LAIR1: variants seen among roughly 807,000 people sequenced by gnomAD.
LAIR1 encodes leukocyte associated immunoglobulin like receptor 1.
In LAIR1, 24 loss-of-function variants were observed where a neutral mutation model predicts 32.8. That is an observed-to-expected ratio of 0.73 (90% confidence interval 0.53 to 1.03). The LOEUF is 1.03. Among genes scored for constraint, LAIR1 ranks in the 50% least tolerant of loss-of-function variants. The pLI, the probability that LAIR1 is intolerant of heterozygous loss-of-function variation, is 0.00. For synonymous variants in LAIR1, 150 were observed against 140.5 expected (o/e 1.07, Z -0.48); for missense variants, 355 against 347.5 (o/e 1.02, Z -0.17).
chr19:54,361,199 G>C lies in LAIR1; in HGVS notation c.81C>G (p.Pro27=), dbSNP rs2082006929. Reference sequence around the variant, plus strand: ...CTGGCTCAGCCGAGATGGAGGGTCTGGGCAGATCTTCTAGGAGGGAAGCAG... The same window carrying C: ...CTGGCTCAGCCGAGATGGAGGGTCTCGGCAGATCTTCTAGGAGGGAAGCAG... ...QTIHTQEEDL[P]RPSISAEPGT... Residue 27 remains proline (P), a synonymous_variant, in exon 3 of 10, where the codon CCC becomes CCG. Coordinates refer to ENST00000391742, the MANE Select transcript of LAIR1 (RefSeq NM_002287.6). The C allele has an allele frequency of 6.2e-7, 1 of 1,614,016 alleles. No individual in the cohort carries two copies. Among genetic ancestry groups the C allele is most frequent in the Non-Finnish European group, 8.5e-7 (1 of 1,180,028 alleles).
chr19:54,370,492 CT>C (rs2082377738), exon 1 of LAIR1: 1 of 434,022 alleles, frequency 2.3e-6, no homozygotes, highest in South Asian at 5.2e-5. Flanking sequence ...CCTTGTCCTC[CT>C]TTCCCTTCCA....
At position 54,352,310 on chromosome 19, in the gene LAIR1, C is replaced by T. The variant is rs140019375; in HGVS notation, c.*2958G>A. 0.018 allele frequency: 2,788 copies of T among 153,882 alleles called. 41 individuals carry two copies. Among genetic ancestry groups the T allele is most frequent in the South Asian group, 0.056 (270 of 4,826 alleles). The allele number at this position is 153,882 out of a possible 1,614,324, so 9.5% of individuals were successfully genotyped here. On this transcript the variant is annotated 3_prime_UTR_variant, in exon 10 of 10. Transcript: ENST00000391742. ...ATCATAAGCACAGGGTAGGCCCTCC[C>T]TCTCTGCCTGGCCACACTGCACTGC...
chr19:54,361,158 AG>A lies in LAIR1; in HGVS notation c.121del (p.Leu41TrpfsTer5). The A allele has an allele frequency of 1.9e-6, 3 of 1,614,146 alleles. No individual in the cohort carries two copies. The highest frequency in any genetic ancestry group is 2.5e-6 in the Non-Finnish European group (3 of 1,179,996). On this transcript the variant is annotated frameshift_variant, in exon 3 of 10. Coordinates refer to ENST00000391742, the MANE Select transcript of LAIR1 (RefSeq NM_002287.6). LOFTEE classifies it high-confidence loss of function. ...ISAEPGTVIPLGSHVTFVCRG... is the reference protein window; with the variant it reads ...ISAEPGTVIPXGSHVTFVCRG... ...GCACACGAAAGTCACATGGCTCCCC[AG>A]GGGGATCACGGTGCCTGGCTCAGCC... is the stretch of plus-strand genomic sequence containing the variant.
Position 54,355,751 on chromosome 19 carries a change from G to T in LAIR1, c.717+203C>A, listed in dbSNP as rs961243815. ...AGGTTTCCTGCCCACAGCCGGGGAAGTGAGCGTCTTGGACGTGGATCCTCC... is the reference window on the plus strand; with the variant it reads ...AGGTTTCCTGCCCACAGCCGGGGAATTGAGCGTCTTGGACGTGGATCCTCC... On this transcript the variant is annotated intron_variant, in intron 9 of 9. Coordinates refer to ENST00000391742, the MANE Select transcript of LAIR1 (RefSeq NM_002287.6). The surrounding 1 kb of genome is among the most constrained non-coding windows in gnomAD (Gnocchi z 4.7). Among the ~76,000 whole-genome samples, 3 of 152,176 alleles carry T rather than the reference G, an allele frequency of 2.0e-5. No homozygotes were observed. The highest frequency in any genetic ancestry group is 7.2e-5 in the African/African-American group (3 of 41,440).
upstream of LAIR1, among the ~76,000 whole-genome samples, chr19:54,367,603 G>A (rs1379334028): frequency 2.6e-5 from 4 of 150,958 alleles, no homozygotes; most frequent in South Asian, 4.2e-4. Flanking sequence ...AAAATTAGCC[G>A]GGCGTGGTGG....
In LAIR1 at chr19:54,355,488, G is replaced by C; in HGVS notation, c.718-74C>G. Reference sequence around the variant, plus strand: ...CGAGGGGCTGTGGGGAGGGAGGGCTGTGGCGGCCATCTCCATGGGCCCTGA... The same window carrying C: ...CGAGGGGCTGTGGGGAGGGAGGGCTCTGGCGGCCATCTCCATGGGCCCTGA... On this transcript the variant is annotated intron_variant, in intron 9 of 9. Transcript: ENST00000391742. This position sits in a 1 kb window ranked among gnomAD's most constrained non-coding sequence, Gnocchi z 4.7. 7.2e-7 allele frequency: 1 copy of C among 1,383,016 alleles called. No homozygotes were observed. The highest frequency in any genetic ancestry group is 9.8e-7 in the Non-Finnish European group (1 of 1,022,484). 85.7% of individuals were successfully genotyped at this position (1,383,016 alleles called of 1,614,324 possible).
Position 54,364,929 on chromosome 19 carries a change from A to G in LAIR1, c.-125T>C, listed in dbSNP as rs2082202709. Reference sequence around the variant, plus strand: ...TCCTGCCTATGGGGCTTCCACAGCAACTGCCTCACACAAGAGGAAGAGCTT... The same window carrying G: ...TCCTGCCTATGGGGCTTCCACAGCAGCTGCCTCACACAAGAGGAAGAGCTT... On this transcript the variant is annotated 5_prime_UTR_variant, in exon 1 of 10. Transcript: ENST00000391742. This position sits in a 1 kb window ranked among gnomAD's most constrained non-coding sequence, Gnocchi z 4.8. The G allele has an allele frequency of 1.3e-6, 2 of 1,579,896 alleles. No individual in the cohort carries two copies. Among genetic ancestry groups the G allele is most frequent in the African/African-American group, 2.7e-5 (2 of 74,116 alleles).
At chr19:54,371,672 G>A (rs766570517), upstream of LAIR1, among the ~76,000 whole-genome samples, 2 of 151,594 alleles carry the variant, frequency 1.3e-5, no homozygotes, top group Non-Finnish European at 2.9e-5. Context: ...GAATGAGCAC[G>A]CATCAATGTC....
intron 2 of LAIR1, among the ~76,000 whole-genome samples, chr19:54,363,470 C>T (rs556957591): frequency 2.5e-4 from 38 of 152,228 alleles, no homozygotes; most frequent in South Asian, 2.3e-3. Flanking sequence ...TTGTGGAAAT[C>T]GGTGTGCGGA....
chr19:54,354,990 T>C lies in LAIR1; in HGVS notation c.*278A>G, dbSNP rs1231408211. ...AAACAGTCAGGTGAATAAAGCTGGG[T>C]CTCTAGAAACAGCCAGGGAACTGTA... On this transcript the variant is annotated 3_prime_UTR_variant, in exon 10 of 10. Coordinates refer to ENST00000391742, the MANE Select transcript of LAIR1 (RefSeq NM_002287.6). 2.7e-6 allele frequency: 1 copy of C among 367,598 alleles called. No individual in the cohort carries two copies. The highest frequency in any genetic ancestry group is 4.9e-6 in the Non-Finnish European group (1 of 206,016). 22.8% of individuals were successfully genotyped at this position (367,598 alleles called of 1,614,324 possible).
chr19:54,372,737 C>G (rs1415316620), upstream of LAIR1, among the ~76,000 whole-genome samples: 1 of 151,124 alleles, frequency 6.6e-6, no homozygotes, highest in African/African-American at 2.5e-5. Flanking sequence ...ATCTGCCCAC[C>G]TCAGCCTTTT....
In LAIR1 at chr19:54,355,929, T is replaced by C; in HGVS notation, c.717+25A>G. On this transcript the variant is annotated intron_variant, in intron 9 of 9. Transcript: ENST00000391742. The surrounding 1 kb of genome is among the most constrained non-coding windows in gnomAD (Gnocchi z 4.7). ...TTTTAAGCTGCTAAATTTGGGGTAC[T>C]TTAATAACTAGTAGGAAGGCTCACC... 2 of 1,522,870 alleles carry C rather than the reference T, an allele frequency of 1.3e-6. No individual in the cohort carries two copies. The highest frequency in any genetic ancestry group is 1.8e-6 in the Non-Finnish European group (2 of 1,096,280). 94.3% of individuals were successfully genotyped at this position (1,522,870 alleles called of 1,614,324 possible).
chr19:54,361,076 G>A lies in LAIR1; in HGVS notation c.204C>T (p.Tyr68=), dbSNP rs143736735. 3.1e-6 allele frequency: 5 copies of A among 1,614,084 alleles called. No individual in the cohort carries two copies. The African/African-American group carries it at 5.3e-5, about 17-fold the overall frequency. ...FRLERDSRST[Y]NDTEDVSQAS... is the part of the protein sequence containing the mutation. ...CTTGAGACACATCTTCAGTATCATTGTATGTGGATCTACTGTCCCTCTCCA... is the reference window on the plus strand; with the variant it reads ...CTTGAGACACATCTTCAGTATCATTATATGTGGATCTACTGTCCCTCTCCA... Residue 68 remains tyrosine, a synonymous_variant, in exon 3 of 10, where the codon TAC becomes TAT. Coordinates refer to ENST00000391742, the MANE Select transcript of LAIR1 (RefSeq NM_002287.6).
At chr19:54,359,634 G>T (rs1408925078) in intron 4 of LAIR1, among the ~76,000 whole-genome samples, 8 of 152,396 alleles carry the variant, frequency 5.2e-5, no homozygotes, top group Admixed American at 4.6e-4. Context: ...GCTCGGGCGA[G>T]CCCGGAAGTC....
At chr19:54,375,633 C>T in the LAIR1 span, among the ~76,000 whole-genome samples, 3 of 152,094 alleles carry the variant, frequency 2.0e-5, no homozygotes, top group Non-Finnish European at 4.4e-5. Context: ...TTGAAGGAGA[C>T]GGCGACGCTG....
At position 54,361,025 on chromosome 19, in the gene LAIR1, T is replaced by A; in HGVS notation, c.255A>T (p.Arg85Ser). 1 of 1,614,230 alleles carries A rather than the reference T, an allele frequency of 6.2e-7. No homozygotes were observed. The highest frequency in any genetic ancestry group is 8.5e-7 in the Non-Finnish European group (1 of 1,180,020). ...CTTCTCTTACTGAGTCAATGCGGAA[T>A]CTGGCCTCTGACTCAGATGGACTAG... ...SQASPSESEA[R>S]FRIDSVREGN... The change falls in exon 3 of 10, where the codon AGA becomes AGT. Residue 85 changes from arginine (R) to serine (S), a missense_variant. Physicochemically the swap from Arg to Ser is moderately radical, Grantham distance 110. Transcript: ENST00000391742.
In LAIR1 at chr19:54,353,882, A is replaced by T. The variant is rs111398712; in HGVS notation, c.*1386T>A. The T allele has an allele frequency of 8.1e-6, 1 of 122,846 alleles. No individual in the cohort carries two copies. Among genetic ancestry groups the T allele is most frequent in the Non-Finnish European group, 1.8e-5 (1 of 55,956 alleles). The allele number at this position is 122,846 out of a possible 1,614,324, so 7.6% of individuals were successfully genotyped here. ...CGAGTAGCTGGGACTACAGGCACCC[A>T]CCACCACACCCGGCTAATTTTTTTG... On this transcript the variant is annotated 3_prime_UTR_variant, in exon 10 of 10. Transcript: ENST00000391742.
At chr19:54,367,928 A>G (rs1242908355), upstream of LAIR1, among the ~76,000 whole-genome samples, 3 of 149,306 alleles carry the variant, frequency 2.0e-5, no homozygotes, top group African/African-American at 4.9e-5. Flanking sequence ...GCCCGCCACC[A>G]CGCCCGGCTA....
Position 54,364,241 on chromosome 19 carries a change from C to T in LAIR1, c.70+54G>A, listed in dbSNP as rs1402669018. 11 of 1,570,816 alleles carry T rather than the reference C, an allele frequency of 7.0e-6. No homozygotes were observed. Among genetic ancestry groups the T allele is most frequent in the Middle Eastern group, 1.8e-4 (1 of 5,574 alleles). ...GAATCAACATCACTCCCACCCAGCA[C>T]TGCCCTTGGGGTGACAGAGGGGACT... On this transcript the variant is annotated intron_variant, in intron 2 of 9. Coordinates refer to ENST00000391742, the MANE Select transcript of LAIR1 (RefSeq NM_002287.6). The surrounding 1 kb of genome is among the most constrained non-coding windows in gnomAD (Gnocchi z 4.8).
Sources: allele counts gnomAD v4.1 joint callset (sites outside exome capture counted in the v4.1 genomes callset), GRCh38; gene constraint gnomAD v4.1.1; non-coding constraint Gnocchi (gnomAD v3.1); transcripts MANE v1.5; gene names NCBI Gene and HGNC (gene_info 2026-07-23, HGNC 2026-07-21).